METTL8: variants seen among roughly 807,000 people sequenced by gnomAD.
METTL8 encodes methyltransferase 8, tRNA N3-cytidine.
In METTL8, 32 loss-of-function variants were observed where a neutral mutation model predicts 48.7. That is an observed-to-expected ratio of 0.66 (90% CI 0.50 to 0.88). The LOEUF is 0.88. METTL8 is among the 40% of genes least tolerant of loss of function. METTL8 has a pLI of 0.00. For synonymous variants in METTL8, 136 were observed against 157.1 expected, an observed-to-expected ratio of 0.87 and a Z score of 1.01; for missense variants, 464 against 474.4, an observed-to-expected ratio of 0.98 and a Z score of 0.20.
intron 2 of METTL8, among the ~76,000 whole-genome samples, chr2:171,383,774 C>T (rs747795345): frequency 8.5e-5 from 13 of 152,178 alleles, no homozygotes; most frequent in Non-Finnish European, 1.8e-4. Context: ...TTTTGAAAAT[C>T]GTTTCCTGTC....
In METTL8 at chr2:171,324,267, T is replaced by C. The variant is rs183393637; in HGVS notation, c.1129A>G (p.Met377Val). The C allele has an allele frequency of 1.9e-5, 29 of 1,551,564 alleles. No individual in the cohort carries two copies. In the African/African-American group the frequency reaches 3.7e-4, roughly 20 times the overall value. Residue 377 changes from methionine to valine, a missense_variant, in exon 10 of 10, where the codon ATG (methionine) becomes GTG (valine). By Grantham distance (21) the Met-to-Val change is conservative. Coordinates refer to ENST00000375258, the MANE Select transcript of METTL8 (RefSeq NM_001321154.2). ...LQVNRKKQVK[M>V]HRVWIQGKFQ... is the part of the protein sequence containing the mutation. ...TTGCCTTGAATCCACACTCGGTGCA[T>C]TTTCACTTGTTTTTTCCTATTAACT...
At position 171,336,863 on chromosome 2, in the gene METTL8, CTTTTT is replaced by C. The variant is rs71013037; in HGVS notation, c.656+585_656+589del. 2.5e-3 allele frequency among the ~76,000 whole-genome samples: 216 copies of C among 88,108 alleles called. 1 individual carries two copies. In the East Asian group the frequency reaches 0.033, roughly 14 times the overall value. 57.8% of individuals were successfully genotyped at this position (88,108 alleles called of 152,430 possible). The stretch of plus-strand genomic sequence containing the variant: ...CAGTGGAAGGATGAAATCACTTCCT[CTTTTT>C]TTTTTTTTTTTTTTTTTTGAGACTG... On this transcript the variant is annotated intron_variant, in intron 5 of 9. Transcript: ENST00000375258.
intron 2 of METTL8, among the ~76,000 whole-genome samples, chr2:171,387,346 C>A (rs756938336): frequency 1.6e-4 from 24 of 151,998 alleles, no homozygotes; most frequent in Non-Finnish European, 3.2e-4. Context: ...TGAGCCACAC[C>A]CCCATCGCAC....
intron 1 of METTL8, among the ~76,000 whole-genome samples, chr2:171,396,941 G>T (rs1367642310): frequency 6.7e-6 from 1 of 148,596 alleles, no homozygotes. Flanking sequence ...GGCCTGCTTT[G>T]GCCTCCCAAG....
Position 171,432,253 on chromosome 2 carries a change from T to C in METTL8, c.-13+1630A>G, listed in dbSNP as rs898807855. On this transcript the variant is annotated intron_variant, in intron 1 of 9. Transcript: ENST00000375258. ...AAAAAAAAAAATCCTGTGTCACAAG[T>C]AAGGCAGAAATTAAGAGACTACTTA... Among the ~76,000 whole-genome samples the C allele has an allele frequency of 2.0e-5, 3 of 151,692 alleles. No individual in the cohort carries two copies. In the East Asian group the frequency reaches 5.8e-4, roughly 29 times the overall value.
At position 171,320,403 on chromosome 2, in the gene METTL8, C is replaced by T. The variant is rs561803751; in HGVS notation, c.*3769G>A. On this transcript the variant is annotated 3_prime_UTR_variant, in exon 10 of 10. Coordinates refer to ENST00000375258, the MANE Select transcript of METTL8 (RefSeq NM_001321154.2). ...TGCTGTAATACATTATAGAAAGACA[C>T]GAAGCCGAATTTTACTGTGCCAGTC... 3 of 152,332 alleles carry T rather than the reference C, an allele frequency of 2.0e-5. No individual in the cohort carries two copies. The highest frequency in any genetic ancestry group is 1.9e-4 in the East Asian group (1 of 5,186). The allele number at this position is 152,332 out of a possible 1,614,324, so 9.4% of individuals were successfully genotyped here. A position where few individuals can be genotyped will look rare whatever the true frequency, so the allele number is the denominator to read the frequency against.
At chr2:171,331,951 C>T in intron 5 of METTL8, 84 bp from the exon 6 acceptor site, 1 of 936,976 alleles carries the variant, frequency 1.1e-6, no homozygotes. Flanking sequence ...AGTAACGTGA[C>T]CATAGCTCAC....
intron 2 of METTL8, among the ~76,000 whole-genome samples, chr2:171,373,838 T>C (rs967726216): frequency 1.3e-5 from 2 of 152,232 alleles, no homozygotes; most frequent in Non-Finnish European, 2.9e-5. Flanking sequence ...CATTGGTCTA[T>C]ATCTCTGTTT....
At position 171,318,548 on chromosome 2, in the gene METTL8, G is replaced by C. The variant is rs1370213843; in HGVS notation, c.*5624C>G. ...GCCAAGTGGAAGGCTGAAGCCTGAG[G>C]GGGTGGGGCGAGTGCAGAACTAGGC... is the stretch of plus-strand genomic sequence containing the variant. On this transcript the variant is annotated 3_prime_UTR_variant, in exon 10 of 10. Coordinates refer to ENST00000375258, the MANE Select transcript of METTL8 (RefSeq NM_001321154.2). 6.6e-6 allele frequency: 1 copy of C among 152,264 alleles called. No homozygotes were observed. Among genetic ancestry groups the C allele is most frequent in the Non-Finnish European group, 1.5e-5 (1 of 68,084 alleles). The allele number at this position is 152,264 out of a possible 1,614,324, so 9.4% of individuals were successfully genotyped here.
upstream of METTL8, chr2:171,434,542 G>A (rs1172569470): frequency 5.3e-5 from 80 of 1,523,712 alleles, no homozygotes; most frequent in Non-Finnish European, 6.9e-5. Flanking sequence ...GCGCCACTCG[G>A]CGGCCCAGCC....
intron 3 of METTL8, among the ~76,000 whole-genome samples, chr2:171,349,378 CTACTT>C (rs1228133786): frequency 6.6e-6 from 1 of 152,134 alleles, no homozygotes; most frequent in Non-Finnish European, 1.5e-5. Flanking sequence ...ATGAATCTGA[CTACTT>C]TAGATGTCTC....
At position 171,322,356 on chromosome 2, in the gene METTL8, A is replaced by G. The variant is rs915012672; in HGVS notation, c.*1816T>C. The G allele has an allele frequency of 1.3e-5, 2 of 152,168 alleles. No homozygotes were observed. The highest frequency in any genetic ancestry group is 1.3e-4 in the Admixed American group (2 of 15,272). 9.4% of individuals were successfully genotyped at this position (152,168 alleles called of 1,614,324 possible). A position where few individuals can be genotyped will look rare whatever the true frequency, so the allele number is the denominator to read the frequency against. ...AACAGAGCTTACCACTGATACCAGA[A>G]AGGGTCTGGATCCAGACGCCAAGAG... On this transcript the variant is annotated 3_prime_UTR_variant, in exon 10 of 10. Coordinates refer to ENST00000375258, the MANE Select transcript of METTL8 (RefSeq NM_001321154.2).
intron 2 of METTL8, among the ~76,000 whole-genome samples, chr2:171,390,616 G>A (rs192597074): frequency 2.0e-4 from 30 of 152,262 alleles, no homozygotes; most frequent in African/African-American, 7.2e-4. Context: ...AAAAAGTAAC[G>A]GCAGATATGG....
At chr2:171,409,631 G>A (rs1420395395) in intron 1 of METTL8, among the ~76,000 whole-genome samples, 1 of 152,102 alleles carries the variant, frequency 6.6e-6, no homozygotes, top group African/African-American at 2.4e-5. Flanking sequence ...TGGGGAAATT[G>A]TCTTACTGTC....
At chr2:171,337,183 A>T (rs997720936) in intron 5 of METTL8, among the ~76,000 whole-genome samples, 1 of 152,022 alleles carries the variant, frequency 6.6e-6, no homozygotes, top group Non-Finnish European at 1.5e-5. Flanking sequence ...CTCTTTTCTT[A>T]TTCTCTCATC....
At chr2:171,404,426 C>T (rs1689976950) in intron 1 of METTL8, among the ~76,000 whole-genome samples, 2 of 152,024 alleles carry the variant, frequency 1.3e-5, no homozygotes, top group Non-Finnish European at 1.5e-5. Flanking sequence ...CAGATGATGA[C>T]TACCGGGTAG....
chr2:171,391,770 C>G (rs2105562786), intron 2 of METTL8, among the ~76,000 whole-genome samples: 1 of 152,226 alleles, frequency 6.6e-6, no homozygotes, highest in African/African-American at 2.4e-5. Flanking sequence ...CCAGTGACAG[C>G]AGGCAAATCA....
Position 171,321,752 on chromosome 2 carries a change from T to G in METTL8, c.*2420A>C, listed in dbSNP as rs1684531854. ...AGGTTTGGGATATGCACATTTTGTT[T>G]TGCCAGCTGTACTCTATTTATGCTC... On this transcript the variant is annotated 3_prime_UTR_variant, in exon 10 of 10. Transcript: ENST00000375258. 6.6e-6 allele frequency: 1 copy of G among 152,174 alleles called. No homozygotes were observed. The allele number at this position is 152,174 out of a possible 1,614,324, so 9.4% of individuals were successfully genotyped here.
In METTL8 at chr2:171,316,493, G is replaced by T. The variant is rs1275425814; in HGVS notation, c.*7679C>A. Among the ~76,000 whole-genome samples the T allele has an allele frequency of 1.3e-5, 2 of 152,208 alleles. No homozygotes were observed. Among genetic ancestry groups the T allele is most frequent in the African/African-American group, 4.8e-5 (2 of 41,450 alleles). On this transcript the variant is annotated 3_prime_UTR_variant, in exon 10 of 10. Coordinates refer to ENST00000375258, the MANE Select transcript of METTL8 (RefSeq NM_001321154.2). ...ATGGAAGAAATGTGAGTAAAACAAG[G>T]AAGATTATAATGAAGCTTTGTCTCA... is the stretch of plus-strand genomic sequence containing the variant.
Sources: allele counts gnomAD v4.1 joint callset (sites outside exome capture counted in the v4.1 genomes callset), GRCh38; gene constraint gnomAD v4.1.1; transcripts MANE v1.5; gene names NCBI Gene and HGNC (gene_info 2026-07-23, HGNC 2026-07-21).